CCDC141: variants seen among roughly 807,000 people sequenced by gnomAD.
The protein encoded by CCDC141 is coiled-coil domain-containing protein 141.
A neutral mutation model predicts 181.0 loss-of-function variants in CCDC141; 168 were observed. The ratio of observed to expected loss-of-function variants is 0.93; its 90% confidence interval spans 0.82 to 1.05. The LOEUF is 1.05. Ranked by LOEUF, CCDC141 falls within the 50% of genes least tolerant of loss-of-function variation. The pLI, the probability that CCDC141 is intolerant of heterozygous loss-of-function variation, is 0.00. For synonymous variants in CCDC141, 666 were observed against 642.3 expected, an observed-to-expected ratio of 1.04 and a Z score of -0.56; for missense variants, 1,902 against 1,788.5, an observed-to-expected ratio of 1.06 and a Z score of -1.14.
rs1190103019 is a variant in CCDC141, at chr2:178,978,550, C to T, written c.351G>A (p.Val117=). ...ETLGEAWAAL[V]SMLERRTELL... ...GCTCTGTTCTTCTTTCAAGCATGGA[C>T]ACCAGAGCTGCCCATGCTTCACCCA... is the stretch of plus-strand genomic sequence containing the variant. The change falls in exon 3 of 24, where the codon GTG becomes GTA. Residue 117 remains valine (V), a synonymous_variant. Transcript: ENST00000443758. 1 of 1,548,742 alleles carries T rather than the reference C, an allele frequency of 6.5e-7. No homozygotes were observed.
chr2:178,866,638 C>T (rs1432140341), intron 16 of CCDC141, among the ~76,000 whole-genome samples: 1 of 152,138 alleles, frequency 6.6e-6, no homozygotes, highest in African/African-American at 2.4e-5. Flanking sequence ...TTAGAGTAAA[C>T]ATAATCTTTT....
chr2:178,915,312 T>C (rs1688397369), intron 7 of CCDC141, among the ~76,000 whole-genome samples: 1 of 152,244 alleles, frequency 6.6e-6, no homozygotes, highest in Admixed American at 6.5e-5. Flanking sequence ...AAGTCTATTC[T>C]GCAGATAAAA....
intron 2 of CCDC141, among the ~76,000 whole-genome samples, chr2:179,004,291 G>C (rs190635761): frequency 6.6e-6 from 1 of 152,122 alleles, no homozygotes; most frequent in Non-Finnish European, 1.5e-5. Flanking sequence ...ACATATGTGA[G>C]AGCAAACATA....
chr2:178,912,316 T>G (rs1160208607), intron 7 of CCDC141, among the ~76,000 whole-genome samples: 1 of 152,164 alleles, frequency 6.6e-6, no homozygotes, highest in Non-Finnish European at 1.5e-5. Flanking sequence ...ACGTTAGAAA[T>G]CCATTGACAG....
chr2:178,817,927 T>G, the CCDC141 span, among the ~76,000 whole-genome samples: 3 of 151,442 alleles, frequency 2.0e-5, no homozygotes, highest in African/African-American at 7.3e-5. Flanking sequence ...CTCAGCCTCC[T>G]GAGTAGCTGG....
rs1242415557 is a variant in CCDC141 at position 178,868,037 on chromosome 2, C to T, written c.2563G>A (p.Val855Met). The change falls in exon 16 of 24, where the codon GTG (valine) becomes ATG (methionine). Residue 855 changes from valine (V) to methionine (M), a missense_variant. Coordinates refer to ENST00000443758, the MANE Select transcript of CCDC141 (RefSeq NM_173648.4). Reference sequence around the variant, plus strand: ...TATTAGATGCTTACAGGCCGCTGCACTGATGAGATGATGTCGACTCCTAAG... The same window carrying T: ...TATTAGATGCTTACAGGCCGCTGCATTGATGAGATGATGTCGACTCCTAAG... ...LSLGVDIISS[V>M]QRPHCSNVSA... 6.2e-7 allele frequency: 1 copy of T among 1,613,230 alleles called. No homozygotes were observed. Among genetic ancestry groups the T allele is most frequent in the Admixed American group, 1.7e-5 (1 of 60,004 alleles).
chr2:178,828,780 G>A (rs1684163651), downstream of CCDC141, among the ~76,000 whole-genome samples: 1 of 152,130 alleles, frequency 6.6e-6, no homozygotes. Flanking sequence ...AGCATAATAT[G>A]CGTTGGAGAC....
At chr2:178,875,612 C>T (rs536035034) in intron 12 of CCDC141, 1 of 151,682 alleles carries the variant, frequency 6.6e-6, no homozygotes, top group African/African-American at 2.4e-5. Flanking sequence ...GCTCCAGGTA[C>T]AAATGTTGTA....
chr2:179,023,342 T>A lies in CCDC141; in HGVS notation c.225+23942A>T, dbSNP rs547008282. 3.3e-5 allele frequency among the ~76,000 whole-genome samples: 5 copies of A among 152,190 alleles called. No homozygotes were observed. The East Asian group carries it at 9.7e-4, about 29-fold the overall frequency. On this transcript the variant is annotated intron_variant, in intron 2 of 23. Coordinates refer to ENST00000443758, the MANE Select transcript of CCDC141 (RefSeq NM_173648.4). ...CTGAGGCAGAAAGAGGATAAGTAAC[T>A]TCCCCAGAGTTACACAGCCAAGCAG...
intron 2 of CCDC141, among the ~76,000 whole-genome samples, chr2:179,015,873 CAT>C (rs1288236185): frequency 8.4e-6 from 1 of 118,948 alleles, no homozygotes; most frequent in Non-Finnish European, 1.9e-5. Context: ...ATATATATCT[CAT>C]ATGTATCATA....
intron 4 of CCDC141, 61 bp downstream of exon 4, chr2:178,974,996 C>G (rs1443102308): frequency 3.9e-6 from 3 of 772,008 alleles, no homozygotes; most frequent in Non-Finnish European, 6.1e-6. Flanking sequence ...CATAAGCATT[C>G]TCACATTAAC....
At position 179,049,346 on chromosome 2, in the gene CCDC141, G is replaced by A. The variant is rs1035040539; in HGVS notation, c.102+494C>T. ...ACCAGTGTGGCAAAGGGCACATGTC[G>A]GAGCCCTTTACTTGGTGTTTTCTGA... On this transcript the variant is annotated intron_variant, in intron 1 of 23. Coordinates refer to ENST00000443758, the MANE Select transcript of CCDC141 (RefSeq NM_173648.4). 1.8e-4 allele frequency among the ~76,000 whole-genome samples: 27 copies of A among 152,066 alleles called. No individual in the cohort carries two copies. In the South Asian group the frequency reaches 2.3e-3, roughly 13 times the overall value.
At chr2:179,016,689 A>G (rs183230508) in intron 2 of CCDC141, among the ~76,000 whole-genome samples, 2 of 152,090 alleles carry the variant, frequency 1.3e-5, no homozygotes, top group African/African-American at 4.8e-5. Flanking sequence ...TCGATGCATA[A>G]GCAAGAATAA....
intron 2 of CCDC141, among the ~76,000 whole-genome samples, chr2:178,983,675 C>A (rs1316366154): frequency 6.6e-6 from 1 of 150,792 alleles, no homozygotes; most frequent in Non-Finnish European, 1.5e-5. Context: ...AATGCAGAAG[C>A]CTCAGGAGCC....
Position 179,049,787 on chromosome 2 carries a change from A to C in CCDC141, c.102+53T>G, listed in dbSNP as rs975285374. 5.8e-6 allele frequency: 9 copies of C among 1,542,728 alleles called. No individual in the cohort carries two copies. The African/African-American group carries it at 1.2e-4, about 21-fold the overall frequency. On this transcript the variant is annotated intron_variant, in intron 1 of 23. Transcript: ENST00000443758. Reference sequence around the variant, plus strand: ...CATGGAATGTTCTTTAGGGTTTTCAACACACAGCTAGAAGCCCACAGCCGC... The same window carrying C: ...CATGGAATGTTCTTTAGGGTTTTCACCACACAGCTAGAAGCCCACAGCCGC...
At position 178,975,082 on chromosome 2, in the gene CCDC141, A is replaced by G; in HGVS notation, c.501T>C (p.Leu167=). 1 of 1,519,966 alleles carries G rather than the reference A, an allele frequency of 6.6e-7. No homozygotes were observed. Among genetic ancestry groups the G allele is most frequent in the Non-Finnish European group, 8.9e-7 (1 of 1,123,314 alleles). 94.2% of individuals were successfully genotyped at this position (1,519,966 alleles called of 1,614,324 possible). ...FESAESLKSL[L]QLHEHHTKEL... Reference sequence around the variant, plus strand: ...CTTTAGTATGATGTTCATGAAGCTGAAGAAGTGATTTTAAGGACTCAGCAC... The same window carrying G: ...CTTTAGTATGATGTTCATGAAGCTGGAGAAGTGATTTTAAGGACTCAGCAC... The change falls in exon 4 of 24, where the codon CTT becomes CTC. Residue 167 remains leucine, a synonymous_variant. Transcript: ENST00000443758.
At chr2:178,869,086 G>A (rs1443135738) in intron 15 of CCDC141, 31 bp downstream of exon 15, 1 of 1,446,224 alleles carries the variant, frequency 6.9e-7, no homozygotes, top group Admixed American at 2.5e-5. Flanking sequence ...TTAAAACTCA[G>A]GATTTTTCAG....
chr2:179,007,072 A>G (rs2042140586), intron 2 of CCDC141, among the ~76,000 whole-genome samples: 1 of 152,194 alleles, frequency 6.6e-6, no homozygotes, highest in Admixed American at 6.5e-5. Flanking sequence ...GGATGAAAAC[A>G]TGATTGATTC....
At chr2:178,876,183 C>G (rs1407009826) in intron 12 of CCDC141, 1 of 151,974 alleles carries the variant, frequency 6.6e-6, no homozygotes, top group Non-Finnish European at 1.5e-5. Flanking sequence ...TAGTTAGAAC[C>G]TAACTCTTCC....
Sources: allele counts gnomAD v4.1 joint callset (sites outside exome capture counted in the v4.1 genomes callset), GRCh38; gene constraint gnomAD v4.1.1; transcripts MANE v1.5; gene names NCBI Gene and HGNC (gene_info 2026-07-23, HGNC 2026-07-21).